The following CSMD1 variants were observed in gnomAD, a reference collection of about 807,000 sequenced individuals.
CSMD1 encodes CUB and sushi domain-containing protein 1.
Under a neutral mutation model 417.5 loss-of-function variants are expected in CSMD1, and 213 were observed. That is an observed-to-expected ratio of 0.51 (90% CI 0.46 to 0.57). The LOEUF (loss-of-function observed/expected upper bound fraction) is 0.57, where lower values mean the gene tolerates loss of function less well. CSMD1 is among the 20% of genes least tolerant of loss of function. The probability of loss-of-function intolerance (pLI) is 0.00; values close to 1 mark genes in which losing one functional copy is unlikely to be tolerated. For missense variants in CSMD1, 6,923 were observed against 4,529.7 expected, an observed-to-expected ratio of 1.53 and a Z score of -15.17; for synonymous variants, 2,862 against 1,736.8, an observed-to-expected ratio of 1.65 and a Z score of -16.11.
intron 3 of CSMD1, among the ~76,000 whole-genome samples, chr8:4,193,503 A>C (rs900470911): frequency 2.6e-5 from 4 of 152,122 alleles, no homozygotes; most frequent in African/African-American, 9.7e-5. Flanking sequence ...CGATGGCTTC[A>C]GTCTTGCTGA....
At chr8:3,747,083 G>C (rs1195276246) in intron 6 of CSMD1, among the ~76,000 whole-genome samples, 1 of 152,206 alleles carries the variant, frequency 6.6e-6, no homozygotes, top group East Asian at 1.9e-4. Context: ...TTAAGTAGTG[G>C]GAGCAGTATG....
intron 2 of CSMD1, among the ~76,000 whole-genome samples, chr8:4,597,486 G>A (rs990056285): frequency 4.6e-5 from 7 of 151,960 alleles, no homozygotes; most frequent in Admixed American, 1.3e-4. Flanking sequence ...TTTATTACTT[G>A]TATTTTTAAA....
In CSMD1 at chr8:4,594,351, C is replaced by T. The variant is rs544372701; in HGVS notation, c.302+42991G>A. ...CTTGAGTAGCTGGGAATACAGGCGC[C>T]AGCATGCCTGGCTAATTTTTGTATT... is the stretch of plus-strand genomic sequence containing the variant. On this transcript the variant is annotated intron_variant, in intron 2 of 69. Transcript: ENST00000635120. 2.6e-4 allele frequency among the ~76,000 whole-genome samples: 40 copies of T among 151,848 alleles called. 1 individual carries two copies. The highest frequency in any genetic ancestry group is 5.1e-4 in the Non-Finnish European group (35 of 67,966).
At chr8:4,586,661 C>G (rs1322301763) in intron 2 of CSMD1, among the ~76,000 whole-genome samples, 2 of 152,132 alleles carry the variant, frequency 1.3e-5, no homozygotes, top group African/African-American at 4.8e-5. Context: ...ACTAAAATCC[C>G]TTTTTGTTTT....
In CSMD1 at chr8:3,018,633, G is replaced by C. The variant is rs774232158; in HGVS notation, c.7873C>G (p.Leu2625Val). ...TTGTTGCCATTTGGGGGAAAGGAAAGGCTTCCACACGAGATAACTAGAAGG... is the reference window on the plus strand; with the variant it reads ...TTGTTGCCATTTGGGGGAAAGGAAACGCTTCCACACGAGATAACTAGAAGG... ...PSCRVISCGS[L>V]SFPPNGNKIG... The change falls in exon 52 of 70, where the codon CTT (leucine) becomes GTT (valine). Residue 2625 changes from leucine (L) to valine (V), a missense_variant. Transcript: ENST00000635120. The C allele has an allele frequency of 1.2e-6, 2 of 1,612,032 alleles. No individual in the cohort carries two copies. Among genetic ancestry groups the C allele is most frequent in the East Asian group, 4.5e-5 (2 of 44,822 alleles).
chr8:3,657,374 A>C (rs1216115609), intron 7 of CSMD1, among the ~76,000 whole-genome samples: 2 of 152,226 alleles, frequency 1.3e-5, no homozygotes, highest in Non-Finnish European at 2.9e-5. Context: ...CTGCAATGAA[A>C]CTATAAAACT....
chr8:3,875,821 G>C (rs1391271267), intron 5 of CSMD1, among the ~76,000 whole-genome samples: 1 of 152,188 alleles, frequency 6.6e-6, no homozygotes, highest in African/African-American at 2.4e-5. Context: ...GAGAGCTTGA[G>C]GGAATTTGCA....
intron 58 of CSMD1, among the ~76,000 whole-genome samples, chr8:2,966,337 C>A (rs1192641073): frequency 6.6e-6 from 1 of 152,146 alleles, no homozygotes; most frequent in Non-Finnish European, 1.5e-5. Flanking sequence ...CTCAATTTTA[C>A]AATGTTTGAC....
intron 41 of CSMD1, among the ~76,000 whole-genome samples, chr8:3,130,987 T>C (rs1457154033): frequency 6.6e-6 from 1 of 152,232 alleles, no homozygotes; most frequent in African/African-American, 2.4e-5. Context: ...ATTCTCACTT[T>C]AAAATCCGCG....
intron 3 of CSMD1, among the ~76,000 whole-genome samples, chr8:4,298,813 C>T (rs1384511612): frequency 6.6e-6 from 1 of 151,788 alleles, no homozygotes; most frequent in Non-Finnish European, 1.5e-5. Flanking sequence ...AATACATGTA[C>T]CCTAGAACTT....
intron 2 of CSMD1, among the ~76,000 whole-genome samples, chr8:4,601,992 C>T (rs961439327): frequency 6.6e-6 from 1 of 152,130 alleles, no homozygotes; most frequent in African/African-American, 2.4e-5. Flanking sequence ...TCTCTGAAAG[C>T]TTTTATCTTT....
chr8:4,157,236 C>T (rs1272605655), intron 3 of CSMD1, among the ~76,000 whole-genome samples: 1 of 152,160 alleles, frequency 6.6e-6, no homozygotes, highest in Admixed American at 6.5e-5. Context: ...TTTATAAGAA[C>T]ACAACAGGGC....
At chr8:3,349,338 T>C (rs1366013282) in intron 21 of CSMD1, among the ~76,000 whole-genome samples, 2 of 152,162 alleles carry the variant, frequency 1.3e-5, no homozygotes, top group Non-Finnish European at 2.9e-5. Context: ...GGCCATGATA[T>C]CCTAATCCAC....
At chr8:4,883,697 A>G (rs1371062966) in intron 1 of CSMD1, among the ~76,000 whole-genome samples, 2 of 152,116 alleles carry the variant, frequency 1.3e-5, no homozygotes, top group Non-Finnish European at 2.9e-5. Flanking sequence ...TTGTATGGCC[A>G]TACCATATTT....
chr8:4,585,233 A>T (rs1281901310), intron 2 of CSMD1, among the ~76,000 whole-genome samples: 2 of 152,180 alleles, frequency 1.3e-5, no homozygotes, highest in Non-Finnish European at 2.9e-5. Context: ...TCAGCAGAGA[A>T]CTGCCATCTA....
chr8:4,168,872 G>A (rs1797607116), intron 3 of CSMD1, among the ~76,000 whole-genome samples: 1 of 152,084 alleles, frequency 6.6e-6, no homozygotes, highest in South Asian at 2.1e-4. Flanking sequence ...TAGACACGGT[G>A]ACTGATGATA....
intron 8 of CSMD1, among the ~76,000 whole-genome samples, chr8:3,594,211 C>G (rs1339119453): frequency 6.6e-6 from 1 of 152,182 alleles, no homozygotes; most frequent in East Asian, 1.9e-4. Flanking sequence ...ATGCACCAGA[C>G]ATGAGGCGAG....
At chr8:4,528,862 G>T (rs1274243235) in intron 2 of CSMD1, among the ~76,000 whole-genome samples, 1 of 151,770 alleles carries the variant, frequency 6.6e-6, no homozygotes, top group Admixed American at 6.6e-5. Flanking sequence ...CTAAGAAAAG[G>T]TATAGTACTA....
At chr8:3,663,858 T>A (rs1396664524) in intron 7 of CSMD1, among the ~76,000 whole-genome samples, 2 of 152,190 alleles carry the variant, frequency 1.3e-5, no homozygotes, top group Non-Finnish European at 2.9e-5. Context: ...CAGGATCTTC[T>A]GAGGTTGTGT....
Sources: gnomAD v4.1 joint callset for allele counts (sites outside exome capture counted in the v4.1 genomes callset) on GRCh38, gnomAD v4.1.1 for gene constraint, MANE v1.5 for transcripts, NCBI Gene and HGNC (gene_info 2026-07-23, HGNC 2026-07-21) for gene names.